The following DOCK1 variants were observed in gnomAD, a reference collection of about 807,000 sequenced individuals.
The protein encoded by DOCK1 is dedicator of cytokinesis protein 1.
Under a neutral mutation model 262.7 loss-of-function variants are expected in DOCK1, and 138 were observed. The observed-to-expected ratio is 0.53, with a 90% CI of 0.46 to 0.61. The LOEUF is 0.61. Ranked by LOEUF, DOCK1 falls within the 20% of genes least tolerant of loss-of-function variation. The pLI is 0.00. For missense variants in DOCK1, 1,908 were observed against 2,370.7 expected (o/e 0.80, Z 4.05); for synonymous variants, 866 against 867.4 (o/e 1.00, Z 0.03).
chr10:127,395,666 T>TA (rs1179116287), intron 38 of DOCK1, among the ~76,000 whole-genome samples: 3 of 151,904 alleles, frequency 2.0e-5, no homozygotes, highest in African/African-American at 7.3e-5. Context: ...GCAGCAGACT[T>TA]AGAGGAGGGA....
Position 127,451,749 on chromosome 10 carries a change from A to G in DOCK1, c.*322A>G. On this transcript the variant is annotated 3_prime_UTR_variant, in exon 52 of 52. Coordinates refer to ENST00000623213, the MANE Select transcript of DOCK1 (RefSeq NM_001290223.2). ...TTTCTTTTTGTGCCAAATGACTTGC[A>G]TTTGCAAAGAGCTCAATTGCTCTGA... The G allele has an allele frequency of 5.4e-6, 2 of 372,480 alleles. No homozygotes were observed. The highest frequency in any genetic ancestry group is 9.7e-6 in the Non-Finnish European group (2 of 206,326). The allele number at this position is 372,480 out of a possible 1,614,324, so 23.1% of individuals were successfully genotyped here.
intron 27 of DOCK1, among the ~76,000 whole-genome samples, chr10:127,183,071 C>CTT (rs3066813): frequency 4.5e-5 from 4 of 88,614 alleles, no homozygotes; most frequent in East Asian, 4.4e-4. Flanking sequence ...TATGGTGAAT[C>CTT]TTTTTTTTTT....
In DOCK1 at chr10:127,263,481, A is replaced by AG. The variant is rs1252787776; in HGVS notation, c.3044+6052_3044+6053insG. Among the ~76,000 whole-genome samples the AG allele has an allele frequency of 3.8e-5, 5 of 132,404 alleles. No homozygotes were observed. The East Asian group carries it at 1.1e-3, about 30-fold the overall frequency. 86.9% of individuals were successfully genotyped at this position (132,404 alleles called of 152,430 possible). On this transcript the variant is annotated intron_variant, in intron 29 of 51. Transcript: ENST00000623213. ...GGGAACTGATAGGCGATGGCCTGACATTATAGCTGTGCTCTAGGATATGAG... is the reference window on the plus strand; with the variant it reads ...GGGAACTGATAGGCGATGGCCTGACAGTTATAGCTGTGCTCTAGGATATGAG...
rs1290446607 is a variant in DOCK1 at position 127,012,666 on chromosome 10, G to A, written c.1201+292G>A. Among the ~76,000 whole-genome samples the A allele has an allele frequency of 1.3e-5, 2 of 152,178 alleles. No homozygotes were observed. The highest frequency in any genetic ancestry group is 6.5e-5 in the Admixed American group (1 of 15,276). ...GGTAGGCGTAACTCCCTCTGCCCGT[G>A]TTGTGTGCTAATCTTTGCCTGTTCT... On this transcript the variant is annotated intron_variant, in intron 12 of 51. Transcript: ENST00000623213. The surrounding 1 kb of genome is among the most constrained non-coding windows in gnomAD (Gnocchi z 4.0).
At chr10:127,352,602 T>A (rs981668866) in intron 31 of DOCK1, among the ~76,000 whole-genome samples, 3 of 152,150 alleles carry the variant, frequency 2.0e-5, no homozygotes, top group Admixed American at 6.5e-5. Flanking sequence ...TGGCCAGTTT[T>A]TTTTTCTTGA....
intron 27 of DOCK1, among the ~76,000 whole-genome samples, chr10:127,205,419 G>A (rs1589938076): frequency 6.6e-6 from 1 of 152,288 alleles, no homozygotes; most frequent in East Asian, 1.9e-4. Flanking sequence ...TGTGGTGGGC[G>A]AGTTGCATGA....
chr10:127,395,786 C>T (rs1048042971), intron 38 of DOCK1, among the ~76,000 whole-genome samples: 23 of 87,268 alleles, frequency 2.6e-4, no homozygotes, highest in African/African-American at 6.0e-4. Context: ...TAGCAGATTC[C>T]ACAGTGTCAA....
At chr10:126,972,179 GTGCTAGGAT>G (rs1307103948) in intron 2 of DOCK1, among the ~76,000 whole-genome samples, 1 of 151,980 alleles carries the variant, frequency 6.6e-6, no homozygotes, top group Non-Finnish European at 1.5e-5. Flanking sequence ...GCCTCCCAAA[GTGCTAGGAT>G]TACAGGCATG....
chr10:127,418,865 G>GAT (rs1262418300), intron 45 of DOCK1, among the ~76,000 whole-genome samples: 3 of 152,210 alleles, frequency 2.0e-5, no homozygotes, highest in Non-Finnish European at 2.9e-5. Flanking sequence ...GATAAAGTTA[G>GAT]ACAAAAACAC....
intron 16 of DOCK1, among the ~76,000 whole-genome samples, chr10:127,028,398 A>G (rs2043023880): frequency 6.6e-6 from 1 of 152,128 alleles, no homozygotes; most frequent in Non-Finnish European, 1.5e-5. Flanking sequence ...CCGACACAAG[A>G]AGTTTATTGT....
At chr10:127,311,849 C>T (rs568073085) in intron 29 of DOCK1, among the ~76,000 whole-genome samples, 1 of 152,074 alleles carries the variant, frequency 6.6e-6, no homozygotes, top group African/African-American at 2.4e-5. Flanking sequence ...CCTGCATGTA[C>T]CTGTTTTTTA....
intron 22 of DOCK1, among the ~76,000 whole-genome samples, chr10:127,057,797 A>G (rs193240748): frequency 5.3e-5 from 8 of 152,284 alleles, no homozygotes; most frequent in Admixed American, 5.2e-4. Flanking sequence ...AGCTTTGTAA[A>G]TAATTAGTTA....
At chr10:127,329,352 G>T (rs2062875168) in intron 29 of DOCK1, among the ~76,000 whole-genome samples, 1 of 152,188 alleles carries the variant, frequency 6.6e-6, no homozygotes, top group Admixed American at 6.5e-5. Context: ...AGAGGAAGGA[G>T]GAGGCCTGAG....
At chr10:127,051,206 C>A (rs2044700810) in intron 21 of DOCK1, among the ~76,000 whole-genome samples, 1 of 151,638 alleles carries the variant, frequency 6.6e-6, no homozygotes, top group Non-Finnish European at 1.5e-5. Context: ...ATTTTAGATC[C>A]CAATTTATAA....
At chr10:127,029,738 A>T (rs2043110896) in intron 16 of DOCK1, among the ~76,000 whole-genome samples, 2 of 152,186 alleles carry the variant, frequency 1.3e-5, no homozygotes, top group South Asian at 2.1e-4. Context: ...GGATGTGAAG[A>T]TGCAGAATGT....
chr10:126,991,235 G>A (rs1182650226), intron 6 of DOCK1, among the ~76,000 whole-genome samples: 1 of 152,166 alleles, frequency 6.6e-6, no homozygotes, highest in African/African-American at 2.4e-5. Context: ...TACCTTCTAT[G>A]TTAGCACGTG....
At chr10:127,119,675 A>G (rs1425244957) in intron 25 of DOCK1, among the ~76,000 whole-genome samples, 2 of 152,216 alleles carry the variant, frequency 1.3e-5, no homozygotes, top group African/African-American at 4.8e-5. Flanking sequence ...GTTATTCTGG[A>G]TCTCAGTTCT....
At chr10:126,964,177 A>G (rs1031000234) in intron 1 of DOCK1, among the ~76,000 whole-genome samples, 3 of 152,212 alleles carry the variant, frequency 2.0e-5, no homozygotes, top group African/African-American at 7.2e-5. Context: ...CCCAGGGTCA[A>G]GTTGAAAGGG....
At chr10:127,166,119 G>A (rs1311628257) in intron 27 of DOCK1, among the ~76,000 whole-genome samples, 3 of 152,054 alleles carry the variant, frequency 2.0e-5, no homozygotes, top group Non-Finnish European at 4.4e-5. Context: ...AGGCTGGAGT[G>A]CAGGGGCACA....
Sources: gnomAD v4.1 joint callset for allele counts (sites outside exome capture counted in the v4.1 genomes callset) on GRCh38, gnomAD v4.1.1 for gene constraint, Gnocchi (gnomAD v3.1) non-coding constraint, MANE v1.5 for transcripts, NCBI Gene and HGNC (gene_info 2026-07-23, HGNC 2026-07-21) for gene names.